FBXO31: variants seen among roughly 807,000 people sequenced by gnomAD.
FBXO31 encodes F-box only protein 31.
FBXO31 carries 24 observed loss-of-function variants against 54.4 expected under a neutral mutation model. The ratio of observed to expected loss-of-function variants is 0.44; its 90% CI spans 0.32 to 0.62. FBXO31 has a LOEUF of 0.62. Ranked by LOEUF, FBXO31 falls within the 20% of genes least tolerant of loss-of-function variation. The pLI, the probability that FBXO31 is intolerant of heterozygous loss-of-function variation, is 0.05. For missense variants in FBXO31, 665 were observed against 787.1 expected, an observed-to-expected ratio of 0.84 and a Z score of 1.86; for synonymous variants, 388 against 335.6, an observed-to-expected ratio of 1.16 and a Z score of -1.71.
In FBXO31 at chr16:87,337,338, G is replaced by C. The variant is rs140514521; in HGVS notation, c.733-1074C>G. Among the ~76,000 whole-genome samples the C allele has an allele frequency of 2.7e-3, 412 of 152,282 alleles. 3 individuals are homozygous for C. Among genetic ancestry groups the C allele is most frequent in the African/African-American group, 9.4e-3 (391 of 41,550 alleles). On this transcript the variant is annotated intron_variant, in intron 5 of 8. Transcript: ENST00000311635. ...ACGTGTGGGGTCTGGGACCCATCTT[G>C]GCCTCATTCCAAGAGCACTTCTCTC...
At chr16:87,376,483 C>G (rs1906829671) in intron 1 of FBXO31, among the ~76,000 whole-genome samples, 1 of 152,056 alleles carries the variant, frequency 6.6e-6, no homozygotes, top group African/African-American at 2.4e-5. Context: ...CCAGGTTGGC[C>G]AGGCTGGTCT....
At position 87,370,157 on chromosome 16, in the gene FBXO31, T is replaced by C. The variant is rs563873988; in HGVS notation, c.341-9791A>G. On this transcript the variant is annotated intron_variant, in intron 1 of 8. Coordinates refer to ENST00000311635, the MANE Select transcript of FBXO31 (RefSeq NM_024735.5). ...AGCCCTTACTGTCCCCCTGTCCCAC[T>C]CTCCCCTCCCTCTCAGGGGCCCGGG... Among the ~76,000 whole-genome samples, 13 of 152,198 alleles carry C rather than the reference T, an allele frequency of 8.5e-5. No homozygotes were observed. The South Asian group carries it at 2.7e-3, about 32-fold the overall frequency.
chr16:87,370,755 C>G (rs905702378), intron 1 of FBXO31, among the ~76,000 whole-genome samples: 7 of 152,262 alleles, frequency 4.6e-5, no homozygotes, highest in Admixed American at 3.3e-4. Context: ...TGCTGAGGGA[C>G]CTGCTGGCTG....
intron 2 of FBXO31, among the ~76,000 whole-genome samples, chr16:87,351,078 G>A (rs1370804498): frequency 6.6e-6 from 1 of 152,218 alleles, no homozygotes; most frequent in African/African-American, 2.4e-5. Flanking sequence ...AAACAGCGTG[G>A]CCAGATGGGC....
chr16:87,343,044 T>TCACCACACC (rs1905241483), intron 4 of FBXO31, 93 bp from the exon 5 acceptor site: 1 of 1,074,072 alleles, frequency 9.3e-7, no homozygotes, highest in Non-Finnish European at 1.4e-6. Context: ...GACCCCTCCC[T>TCACCACACC]CACCACACCC....
upstream of FBXO31, among the ~76,000 whole-genome samples, chr16:87,390,599 C>G (rs1254062210): frequency 6.6e-6 from 1 of 151,912 alleles, no homozygotes; most frequent in Non-Finnish European, 1.5e-5. Context: ...TGCCACCACA[C>G]CCGGCTAATT....
chr16:87,366,269 G>A (rs988579720), intron 1 of FBXO31, among the ~76,000 whole-genome samples: 4 of 152,214 alleles, frequency 2.6e-5, no homozygotes, highest in Admixed American at 6.5e-5. Flanking sequence ...GCCATACTAA[G>A]AGAAGACGGT....
intron 1 of FBXO31, among the ~76,000 whole-genome samples, chr16:87,364,919 A>G (rs1490048719): frequency 6.8e-6 from 1 of 146,342 alleles, no homozygotes; most frequent in Admixed American, 7.0e-5. Context: ...ATGTGGGAAG[A>G]TCATCTGAGT....
At chr16:87,372,872 G>A (rs754185005) in intron 1 of FBXO31, among the ~76,000 whole-genome samples, 6 of 151,742 alleles carry the variant, frequency 4.0e-5, no homozygotes, top group Non-Finnish European at 7.4e-5. Flanking sequence ...AAGTAGCTGG[G>A]ACTACAGGCA....
At chr16:87,376,224 A>G (rs946363955) in intron 1 of FBXO31, among the ~76,000 whole-genome samples, 1 of 150,792 alleles carries the variant, frequency 6.6e-6, no homozygotes, top group Non-Finnish European at 1.5e-5. Flanking sequence ...TCCCACTCCC[A>G]TTTTTGTTGC....
chr16:87,388,346 G>A (rs377294862), upstream of FBXO31, among the ~76,000 whole-genome samples: 2 of 152,316 alleles, frequency 1.3e-5, no homozygotes, highest in African/African-American at 4.8e-5. Flanking sequence ...AAATCCTCCT[G>A]ACCAAATCCT....
chr16:87,348,504 G>C (rs957433123), intron 2 of FBXO31, among the ~76,000 whole-genome samples: 1 of 152,194 alleles, frequency 6.6e-6, no homozygotes, highest in Non-Finnish European at 1.5e-5. Flanking sequence ...GAGGGTAGCA[G>C]CTGATCTGGG....
chr16:87,384,830 A>G (rs1388205817), upstream of FBXO31, among the ~76,000 whole-genome samples: 2 of 152,182 alleles, frequency 1.3e-5, no homozygotes, highest in Non-Finnish European at 2.9e-5. Context: ...ACTGCACTTC[A>G]GCCTGGGCAA....
upstream of FBXO31, among the ~76,000 whole-genome samples, chr16:87,388,378 C>T (rs1907398498): frequency 6.6e-6 from 1 of 152,262 alleles, no homozygotes; most frequent in Admixed American, 6.5e-5. Context: ...GCTCCCTGCA[C>T]TCCTCTTGAG....
upstream of FBXO31, chr16:87,391,785 G>C (rs1907564967): frequency 6.6e-6 from 1 of 152,254 alleles, no homozygotes; most frequent in East Asian, 1.9e-4. Context: ...TGCACGCAGA[G>C]GGGGCCAGGG....
chr16:87,362,120 G>A (rs1906159968), intron 1 of FBXO31, among the ~76,000 whole-genome samples: 1 of 149,402 alleles, frequency 6.7e-6, no homozygotes, highest in African/African-American at 2.6e-5. Context: ...CCAGGAAGCT[G>A]CTGATTCCAG....
At chr16:87,380,477 C>T (rs1036637760) in intron 1 of FBXO31, among the ~76,000 whole-genome samples, 4 of 152,096 alleles carry the variant, frequency 2.6e-5, no homozygotes, top group Non-Finnish European at 2.9e-5. Flanking sequence ...TCACAGCTCA[C>T]TGCAGCCTCG....
At chr16:87,391,396 G>A (rs1341197577), upstream of FBXO31, among the ~76,000 whole-genome samples, 1 of 152,222 alleles carries the variant, frequency 6.6e-6, no homozygotes, top group Non-Finnish European at 1.5e-5. Flanking sequence ...ATCGCATGGT[G>A]GTTTACGCAC....
chr16:87,347,834 C>CA lies in FBXO31; in HGVS notation c.413-585dup, dbSNP rs552759411. ...TTCTAGGAATAAGACAGAAGACGTGCAAACAGCGAGCTGGACTAGACCTGC... is the reference window on the plus strand; with the variant it reads ...TTCTAGGAATAAGACAGAAGACGTGCAAAACAGCGAGCTGGACTAGACCTGC... On this transcript the variant is annotated intron_variant, in intron 2 of 8. Transcript: ENST00000311635. 4.6e-3 allele frequency among the ~76,000 whole-genome samples: 706 copies of CA among 152,304 alleles called. 7 individuals are homozygous for CA. Among genetic ancestry groups the CA allele is most frequent in the Non-Finnish European group, 6.8e-3 (461 of 68,034 alleles).
Sources: gnomAD v4.1 joint callset for allele counts (sites outside exome capture counted in the v4.1 genomes callset) on GRCh38, gnomAD v4.1.1 for gene constraint, MANE v1.5 for transcripts, NCBI Gene and HGNC (gene_info 2026-07-23, HGNC 2026-07-21) for gene names.